The following FRMPD4 variants were observed in gnomAD, a reference collection of about 807,000 sequenced individuals.
FRMPD4 encodes the protein FERM and PDZ domain-containing protein 4.
Under a neutral mutation model 94.1 loss-of-function variants are expected in FRMPD4, and 22 were observed. The ratio of observed to expected loss-of-function variants is 0.23; its 90% confidence interval spans 0.17 to 0.33. The LOEUF (loss-of-function observed/expected upper bound fraction) is 0.33. Ranked by LOEUF, FRMPD4 falls within the 10% of genes least tolerant of loss-of-function variation. FRMPD4 has a pLI of 1.00. For synonymous variants in FRMPD4, 631 were observed against 548.6 expected, an observed-to-expected ratio of 1.15 and a Z score of -2.10; for missense variants, 1,111 against 1,339.9, an observed-to-expected ratio of 0.83 and a Z score of 2.67.
intron 3 of FRMPD4, among the ~76,000 whole-genome samples, chrX:11,883,157 G>T (rs761045112): frequency 1.8e-5 from 2 of 112,172 alleles, no homozygotes; most frequent in Non-Finnish European, 3.8e-5. Context: ...TTTTTGGAGT[G>T]TAAGGGGCCT....
intron 5 of FRMPD4, among the ~76,000 whole-genome samples, chrX:12,681,241 G>C (rs1407112379): frequency 8.9e-6 from 1 of 111,873 alleles, no homozygotes; most frequent in African/African-American, 3.2e-5. Flanking sequence ...AACTCATTGT[G>C]CCAATGTAAA....
At chrX:11,970,779 C>T (rs1271387702) in intron 3 of FRMPD4, among the ~76,000 whole-genome samples, 11 of 111,774 alleles carry the variant, frequency 9.8e-5, no homozygotes, top group African/African-American at 3.6e-4. Flanking sequence ...CTCACTGGGG[C>T]TCTGATCCCA....
intron 4 of FRMPD4, among the ~76,000 whole-genome samples, chrX:12,644,636 C>T (rs1346023289): frequency 9.0e-6 from 1 of 111,437 alleles, no homozygotes; most frequent in Non-Finnish European, 1.9e-5. Context: ...TGAATAGCCC[C>T]ACTACTCTGC....
intron 3 of FRMPD4, among the ~76,000 whole-genome samples, chrX:11,933,888 A>G (rs1326761569): frequency 1.8e-5 from 2 of 111,968 alleles, no homozygotes; most frequent in Non-Finnish European, 3.8e-5. Flanking sequence ...TCCCTCGTTT[A>G]TGTTTGCCTC....
intron 1 of FRMPD4, among the ~76,000 whole-genome samples, chrX:12,206,344 T>G (rs1218822026): frequency 8.9e-6 from 1 of 111,958 alleles, no homozygotes; most frequent in East Asian, 2.8e-4. Context: ...TATTCTTTTT[T>G]GGGGAGGAGG....
intron 1 of FRMPD4, among the ~76,000 whole-genome samples, chrX:12,471,370 G>T (rs1343252290): frequency 8.9e-6 from 1 of 111,954 alleles, no homozygotes; most frequent in Non-Finnish European, 1.9e-5. Flanking sequence ...ACAATAAGAA[G>T]CACGAAAAAT....
At chrX:12,411,950 C>T in intron 1 of FRMPD4, among the ~76,000 whole-genome samples, 1 of 111,433 alleles carries the variant, frequency 9.0e-6, no homozygotes, top group East Asian at 2.8e-4. Flanking sequence ...AAGTTTGTCC[C>T]CTAGGAAAAA....
At chrX:12,230,423 G>A (rs1265887818) in intron 1 of FRMPD4, among the ~76,000 whole-genome samples, 1 of 111,548 alleles carries the variant, frequency 9.0e-6, no homozygotes, top group Non-Finnish European at 1.9e-5. Flanking sequence ...TAAGCAGGAG[G>A]CATGGCAATA....
chrX:12,061,044 T>G (rs995330186), intron 3 of FRMPD4, among the ~76,000 whole-genome samples: 12 of 112,294 alleles, frequency 1.1e-4, no homozygotes, highest in East Asian at 2.8e-4. Flanking sequence ...AAAGACAGAT[T>G]AACAAGAGAA....
chrX:12,440,508 G>A (rs1235139416), intron 1 of FRMPD4, among the ~76,000 whole-genome samples: 2 of 111,537 alleles, frequency 1.8e-5, no homozygotes, highest in African/African-American at 6.5e-5. Flanking sequence ...TGACCTGGCA[G>A]ATATGTCTCA....
At chrX:12,361,117 A>G (rs761267511) in intron 1 of FRMPD4, among the ~76,000 whole-genome samples, 15 of 111,920 alleles carry the variant, frequency 1.3e-4, no homozygotes, top group Admixed American at 3.8e-4. Context: ...ACAATGAGTC[A>G]ATGCAGTGTA....
intron 3 of FRMPD4, among the ~76,000 whole-genome samples, chrX:11,882,610 A>G (rs2053820314): frequency 8.9e-6 from 1 of 111,981 alleles, no homozygotes; most frequent in Non-Finnish European, 1.9e-5. Context: ...AATATTGTGT[A>G]AAATTACCTT....
intron 3 of FRMPD4, among the ~76,000 whole-genome samples, chrX:11,950,572 C>T (rs1051194301): frequency 8.9e-6 from 1 of 111,766 alleles, no homozygotes; most frequent in Non-Finnish European, 1.9e-5. Flanking sequence ...GCATTTCTCC[C>T]TTGTAACTAT....
intron 2 of FRMPD4, among the ~76,000 whole-genome samples, chrX:12,561,880 ACT>A: frequency 8.9e-6 from 1 of 111,932 alleles, no homozygotes; most frequent in African/African-American, 3.2e-5. Context: ...GCTCTCACTG[ACT>A]CTATGACAAT....
intron 4 of FRMPD4, among the ~76,000 whole-genome samples, chrX:12,632,512 G>T (rs917523187): frequency 1.8e-5 from 2 of 112,354 alleles, no homozygotes; most frequent in Non-Finnish European, 3.8e-5. Context: ...AACAGTAGAA[G>T]ATGCACCTCA....
intron 1 of FRMPD4, among the ~76,000 whole-genome samples, chrX:12,421,182 TG>T (rs2056878658): frequency 8.9e-6 from 1 of 112,306 alleles, no homozygotes; most frequent in Admixed American, 9.4e-5. Flanking sequence ...TGTGAGGAAT[TG>T]ACATCTGATC....
chrX:12,523,365 T>C (rs766744512), intron 2 of FRMPD4, among the ~76,000 whole-genome samples: 1 of 112,559 alleles, frequency 8.9e-6, no homozygotes, highest in East Asian at 2.8e-4. Flanking sequence ...TGCTGTCTCC[T>C]TGACACTCAT....
chrX:12,660,280 T>C (rs1326166708), intron 4 of FRMPD4, among the ~76,000 whole-genome samples: 1 of 112,294 alleles, frequency 8.9e-6, no homozygotes, highest in Non-Finnish European at 1.9e-5. Context: ...TACTTGACAA[T>C]GCCATACCAA....
chrX:12,510,448 TAA>T (rs2058031719), intron 2 of FRMPD4, among the ~76,000 whole-genome samples: 1 of 112,087 alleles, frequency 8.9e-6, no homozygotes, highest in African/African-American at 3.2e-5. Flanking sequence ...TCTGCAAATC[TAA>T]AAGTGTTCTA....
Sources: allele counts gnomAD v4.1 joint callset (sites outside exome capture counted in the v4.1 genomes callset), GRCh38; gene constraint gnomAD v4.1.1; transcripts MANE v1.5; gene names NCBI Gene and HGNC (gene_info 2026-07-23, HGNC 2026-07-21).